DYSF: variants seen among roughly 807,000 people sequenced by gnomAD.
DYSF encodes the protein dystrophy-associated fer-1-like 1.
A neutral mutation model predicts 274.9 loss-of-function variants in DYSF; 212 were observed. The observed-to-expected ratio is 0.77, with a 90% confidence interval of 0.69 to 0.86. The LOEUF is 0.86. DYSF is among the 40% of genes least tolerant of loss of function. The pLI is 0.00. For missense variants in DYSF, 2,666 were observed against 2,783.2 expected, an observed-to-expected ratio of 0.96 and a Z score of 0.95; for synonymous variants, 1,091 against 1,078.7, an observed-to-expected ratio of 1.01 and a Z score of -0.22.
At chr2:71,592,416 C>T (rs1340215349) in intron 32 of DYSF, among the ~76,000 whole-genome samples, 1 of 152,192 alleles carries the variant, frequency 6.6e-6, no homozygotes. Flanking sequence ...ATGAAAGGCC[C>T]GATTGAGCAG....
At chr2:71,586,519 C>T (rs2093073701) in intron 30 of DYSF, among the ~76,000 whole-genome samples, 1 of 152,000 alleles carries the variant, frequency 6.6e-6, no homozygotes, top group South Asian at 2.1e-4. Context: ...GTTCCTCCCC[C>T]TGCAGGACAG....
At chr2:71,601,625 C>G in intron 35 of DYSF, 97 bp downstream of exon 35, 1 of 1,526,550 alleles carries the variant, frequency 6.6e-7, no homozygotes, top group Non-Finnish European at 9.1e-7. Flanking sequence ...GGCATTACCG[C>G]GATCCTGCCT....
At chr2:71,641,225 T>C (rs900082636) in intron 41 of DYSF, among the ~76,000 whole-genome samples, 2 of 138,618 alleles carry the variant, frequency 1.4e-5, no homozygotes, top group African/African-American at 5.5e-5. Context: ...GTGGCCCAGG[T>C]GGGAGTGCAG....
At chr2:71,643,778 T>A (rs1038259297) in intron 41 of DYSF, among the ~76,000 whole-genome samples, 187 bp from the exon 42 acceptor site, 1 of 152,192 alleles carries the variant, frequency 6.6e-6, no homozygotes, top group African/African-American at 2.4e-5. Context: ...TGCTGAAACC[T>A]CTTCCTCAGT....
Position 71,668,826 on chromosome 2 carries a change from C to G in DYSF, c.5530C>G (p.Pro1844Ala). 7.4e-6 allele frequency: 12 copies of G among 1,613,432 alleles called. No individual in the cohort carries two copies. The highest frequency in any genetic ancestry group is 1.0e-5 in the Non-Finnish European group (12 of 1,179,840). ...GCCTGGACCTCCCTTCAACATCACC[C>G]CACGGAGAGCCAGAAGGTGACTTGC... is the stretch of plus-strand genomic sequence containing the variant. The part of the protein sequence containing the change: ...GRPGPPFNIT[P>A]RRARRFFLRC... Residue 1844 changes from proline (P) to alanine (A), a missense_variant, in exon 49 of 56, where the codon CCA (proline) becomes GCA (alanine). By Grantham distance (27) the Pro-to-Ala change is conservative. Coordinates refer to ENST00000410020, the MANE Select transcript of DYSF (RefSeq NM_001130987.2).
rs760948624 is a variant in DYSF, at chr2:71,556,074, A to AG, written c.2216+9dup. 1.7e-5 allele frequency: 26 copies of AG among 1,563,264 alleles called. No individual in the cohort carries two copies. The highest frequency in any genetic ancestry group is 2.2e-4 in the Middle Eastern group (1 of 4,648). On this transcript the variant is annotated splice_donor_region_variant and intron_variant, in intron 22 of 55. Coordinates refer to ENST00000410020, the MANE Select transcript of DYSF (RefSeq NM_001130987.2). ...GATGAGCTCATCGCAGGCTGCAGGT[A>AG]GGGGGGACCTGGCGCCCCTGGTGCC...
chr2:71,482,963 G>A (rs1029980865), intron 3 of DYSF, among the ~76,000 whole-genome samples: 7 of 152,186 alleles, frequency 4.6e-5, no homozygotes, highest in African/African-American at 1.7e-4. Context: ...GCCTGGCTGT[G>A]TTGCCCTGGG....
intron 29 of DYSF, 50 bp from the exon 30 acceptor site, chr2:71,574,148 T>G: frequency 6.2e-7 from 1 of 1,600,372 alleles, no homozygotes; most frequent in Non-Finnish European, 8.5e-7. Context: ...AGCACAGAAC[T>G]CCCCCCAGCC....
intron 17 of DYSF, among the ~76,000 whole-genome samples, chr2:71,544,044 C>G (rs1010840469): frequency 2.6e-5 from 4 of 152,172 alleles, no homozygotes; most frequent in Non-Finnish European, 5.9e-5. Flanking sequence ...TTCTTTGCTC[C>G]TCGTCTGTTC....
At chr2:71,528,731 G>T (rs1482930016) in intron 14 of DYSF, among the ~76,000 whole-genome samples, 1 of 152,212 alleles carries the variant, frequency 6.6e-6, no homozygotes, top group Admixed American at 6.5e-5. Context: ...AAGGCATAAA[G>T]ATAGAGAAAC....
At chr2:71,518,876 T>C (rs2086929323) in intron 10 of DYSF, among the ~76,000 whole-genome samples, 1 of 151,690 alleles carries the variant, frequency 6.6e-6, no homozygotes, top group African/African-American at 2.4e-5. Context: ...GCAGATCACT[T>C]GAAGTCAGTA....
intron 44 of DYSF, among the ~76,000 whole-genome samples, chr2:71,659,474 A>G (rs1465287666): frequency 6.6e-6 from 1 of 152,170 alleles, no homozygotes; most frequent in Non-Finnish European, 1.5e-5. Flanking sequence ...GATGGGGGAA[A>G]GGAGCAGCGT....
chr2:71,626,865 C>T (rs1574451391), intron 41 of DYSF, among the ~76,000 whole-genome samples: 1 of 151,542 alleles, frequency 6.6e-6, no homozygotes, highest in African/African-American at 2.4e-5. Context: ...GTTTATAGGA[C>T]CTTTGAGATT....
At chr2:71,669,252 C>T (rs1049035201) in intron 50 of DYSF, 45 bp downstream of exon 50, 1 of 1,493,756 alleles carries the variant, frequency 6.7e-7, no homozygotes, top group Admixed American at 1.9e-5. Flanking sequence ...CCCGCAGCTC[C>T]CGTGCTCCCT....
intron 3 of DYSF, among the ~76,000 whole-genome samples, chr2:71,499,875 G>T (rs940007941): frequency 4.6e-5 from 7 of 152,138 alleles, no homozygotes; most frequent in African/African-American, 1.2e-4. Context: ...AGGACCCACG[G>T]GTGTCATTTC....
chr2:71,621,070 C>T (rs1043674332), intron 41 of DYSF, among the ~76,000 whole-genome samples: 5 of 152,078 alleles, frequency 3.3e-5, no homozygotes, highest in Non-Finnish European at 7.4e-5. Flanking sequence ...TCTGCTGGGG[C>T]CAACAGTCTG....
At position 71,561,886 on chromosome 2, in the gene DYSF, C is replaced by T. The variant is rs755367606; in HGVS notation, c.2351C>T (p.Pro784Leu). ...LALKLGHSEL[P>L]AALEQAEDWL... is the part of the protein sequence containing the mutation. Reference sequence around the variant, plus strand: ...CTGAAGCTCGGCCACAGTGAGCTCCCTGCAGCTCTGGAGCAGGCGGAGGAC... The same window carrying T: ...CTGAAGCTCGGCCACAGTGAGCTCCTTGCAGCTCTGGAGCAGGCGGAGGAC... The change falls in exon 23 of 56, where the codon CCT (proline) becomes CTT (leucine). Residue 784 changes from proline to leucine, a missense_variant. By Grantham distance (98) the Pro-to-Leu change is moderately conservative (BLOSUM62 -3). This residue lies in a region of DYSF where 412 missense variants were observed against 504.0 expected (regional missense o/e 0.82). Transcript: ENST00000410020. 3.7e-6 allele frequency: 6 copies of T among 1,614,154 alleles called. No individual in the cohort carries two copies.
intron 16 of DYSF, among the ~76,000 whole-genome samples, chr2:71,537,969 C>A (rs1323457239): frequency 6.6e-6 from 1 of 152,226 alleles, no homozygotes; most frequent in Non-Finnish European, 1.5e-5. Context: ...CTGGAATATT[C>A]TTTGCTGTGG....
At chr2:71,483,194 G>T (rs2083078201) in intron 3 of DYSF, among the ~76,000 whole-genome samples, 1 of 152,202 alleles carries the variant, frequency 6.6e-6, no homozygotes, top group Non-Finnish European at 1.5e-5. Flanking sequence ...AAGGTGTGGG[G>T]CCCAGGCCTG....
Sources: gnomAD v4.1 joint callset for allele counts (sites outside exome capture counted in the v4.1 genomes callset) on GRCh38, gnomAD v4.1.1 for gene constraint, gnomAD v4.1.1 regional missense constraint, MANE v1.5 for transcripts, NCBI Gene and HGNC (gene_info 2026-07-23, HGNC 2026-07-21) for gene names.